The following MICAL3 variants were observed in gnomAD, a reference collection of about 807,000 sequenced individuals.
MICAL3 encodes the protein microtubule associated monooxygenase, calponin and LIM domain containing 3, also known as [F-actin]-monooxygenase MICAL3.
Under a neutral mutation model 207.4 loss-of-function variants are expected in MICAL3, and 62 were observed. That is an observed-to-expected ratio of 0.30 (90% CI 0.24 to 0.37). The LOEUF is 0.37. Among genes scored for constraint, MICAL3 ranks in the 10% least tolerant of loss-of-function variants. The pLI is 1.00. For missense variants in MICAL3, 2,368 were observed against 2,635.6 expected (o/e 0.90, Z 2.22); for synonymous variants, 1,077 against 1,069.3 (o/e 1.01, Z -0.14).
intron 1 of MICAL3, among the ~76,000 whole-genome samples, chr22:17,996,593 G>T (rs1922305038): frequency 6.6e-6 from 1 of 152,106 alleles, no homozygotes; most frequent in African/African-American, 2.4e-5. Context: ...AAGCCCATGG[G>T]GGCAGGATGC....
chr22:17,809,867 A>T lies in MICAL3; in HGVS notation c.5556+836T>A, dbSNP rs430321. Among the ~76,000 whole-genome samples, 36 of 151,894 alleles carry T rather than the reference A, an allele frequency of 2.4e-4. 1 individual carries two copies. In the East Asian group the frequency reaches 6.8e-3, roughly 29 times the overall value. ...TACAACAAGGGATTCGGGAAACTCA[A>T]TGCAGGGTTCTTCCTTTTTTTTTTT... On this transcript the variant is annotated intron_variant, in intron 28 of 31. Transcript: ENST00000441493.
chr22:18,012,681 G>A (rs1923822284), intron 1 of MICAL3, among the ~76,000 whole-genome samples: 1 of 152,344 alleles, frequency 6.6e-6, no homozygotes, highest in African/African-American at 2.4e-5. Flanking sequence ...TCTTCTGTGT[G>A]TATCACAACA....
At position 17,900,953 on chromosome 22, in the gene MICAL3, T is replaced by G; in HGVS notation, c.736A>C (p.Thr246Pro). The G allele has an allele frequency of 6.2e-7, 1 of 1,614,028 alleles. No homozygotes were observed. The highest frequency in any genetic ancestry group is 8.5e-7 in the Non-Finnish European group (1 of 1,179,870). Residue 246 changes from threonine to proline, a missense_variant, in exon 6 of 32, where the codon ACG (threonine) becomes CCG (proline). By Grantham distance (38) the Thr-to-Pro change is conservative. Coordinates refer to ENST00000441493, the MANE Select transcript of MICAL3 (RefSeq NM_015241.3). This position sits in a 1 kb window ranked among gnomAD's most constrained non-coding sequence, Gnocchi z 4.0. ...GTATTTCGGTTGATAAAATTTGCCG[T>G]GATGGCGATGGCCAGTTTGCCACGG... ...EFRGKLAIAI[T>P]ANFINRNTTA...
chr22:17,980,777 G>C (rs191084356), intron 1 of MICAL3: 1 of 464,340 alleles, frequency 2.2e-6, no homozygotes, highest in African/African-American at 2.0e-5. Flanking sequence ...ATCATTCCGC[G>C]GCAGCAAACC....
intron 1 of MICAL3, among the ~76,000 whole-genome samples, chr22:18,015,612 C>T (rs920929521): frequency 1.3e-5 from 2 of 151,906 alleles, no homozygotes; most frequent in Admixed American, 1.3e-4. Context: ...GGGGTTTCAC[C>T]ATGCTAGCCA....
In MICAL3 at chr22:17,866,002, G is replaced by A. The variant is rs146537133; in HGVS notation, c.2439C>T (p.Tyr813=). 114 of 1,613,574 alleles carry A rather than the reference G, an allele frequency of 7.1e-5. No individual in the cohort carries two copies. The East Asian group carries it at 2.2e-3, about 31-fold the overall frequency. Reference sequence around the variant, plus strand: ...GTCGATAGCAGTAGTGTGGCTTACAGTAGAATTTACCTGCAGACAGCAAGA... The same window carrying A: ...GTCGATAGCAGTAGTGTGGCTTACAATAGAATTTACCTGCAGACAGCAAGA... The part of the protein sequence containing the change: ...YAYDIEDGKF[Y]CKPHYCYRLS... Residue 813 remains tyrosine, a synonymous_variant, in exon 18 of 32, where the codon TAC becomes TAT. Transcript: ENST00000441493.
chr22:17,887,952 T>A (rs1050179680), intron 13 of MICAL3, among the ~76,000 whole-genome samples: 5 of 152,182 alleles, frequency 3.3e-5, no homozygotes, highest in Admixed American at 3.3e-4. Flanking sequence ...ACGTCATGGC[T>A]AACCAGGAAA....
At chr22:17,958,904 T>A (rs367846922) in intron 1 of MICAL3, among the ~76,000 whole-genome samples, 1 of 151,396 alleles carries the variant, frequency 6.6e-6, no homozygotes, top group East Asian at 1.9e-4. Context: ...CAGGGTTTCA[T>A]CATGTTGGCC....
chr22:17,979,622 C>T (rs564465275), intron 1 of MICAL3, among the ~76,000 whole-genome samples: 46 of 152,128 alleles, frequency 3.0e-4, no homozygotes, highest in Middle Eastern at 3.4e-3. Context: ...GAGGAATTCC[C>T]CACGGCATCC....
chr22:17,837,376 A>G (rs886180546), intron 20 of MICAL3, among the ~76,000 whole-genome samples: 15 of 152,160 alleles, frequency 9.9e-5, no homozygotes, highest in African/African-American at 3.6e-4. Context: ...CTTTTCTGTG[A>G]CCTCGCCTGT....
At chr22:18,004,239 C>G (rs1923227206) in intron 1 of MICAL3, 1 of 152,134 alleles carries the variant, frequency 6.6e-6, no homozygotes, top group Non-Finnish European at 1.5e-5. Context: ...TGTCCATGCT[C>G]TCTGCCCCAA....
At chr22:17,827,362 G>A (rs1233473498) in intron 22 of MICAL3, among the ~76,000 whole-genome samples, 1 of 152,178 alleles carries the variant, frequency 6.6e-6, no homozygotes, top group African/African-American at 2.4e-5. Context: ...AGAAACATGA[G>A]AGAAAGACAG....
intron 20 of MICAL3, among the ~76,000 whole-genome samples, chr22:17,834,754 A>G (rs1923182884): frequency 6.6e-6 from 1 of 152,176 alleles, no homozygotes; most frequent in Non-Finnish European, 1.5e-5. Flanking sequence ...ATTTTTCAGC[A>G]TTACCTTTAT....
chr22:17,901,857 C>A, intron 5 of MICAL3, 21 bp downstream of exon 5: 1 of 1,587,350 alleles, frequency 6.3e-7, no homozygotes, highest in Non-Finnish European at 8.6e-7. Context: ...ATGAGCCAGG[C>A]AGAGGAGCAC....
chr22:17,947,719 C>G (rs1019641926), intron 1 of MICAL3, among the ~76,000 whole-genome samples: 9 of 150,396 alleles, frequency 6.0e-5, no homozygotes, highest in African/African-American at 2.2e-4. Context: ...TGTGCACCAC[C>G]ACACCCGGCT....
chr22:17,997,881 T>C (rs1332381514), intron 1 of MICAL3, among the ~76,000 whole-genome samples: 4 of 151,044 alleles, frequency 2.6e-5, no homozygotes, highest in African/African-American at 9.8e-5. Flanking sequence ...CACTACCTAG[T>C]CATCAGAAAA....
rs571226618 is a variant in MICAL3 at position 17,903,273 on chromosome 22, C to T, written c.473-526G>A. ...CTAGATCCTCCTACCATTCCCCCTC[C>T]CATTCCTGGTCTATAGCTGTGGAAA... is the stretch of plus-strand genomic sequence containing the variant. On this transcript the variant is annotated intron_variant, in intron 3 of 31. Transcript: ENST00000441493. Among the ~76,000 whole-genome samples, 16 of 152,342 alleles carry T rather than the reference C, an allele frequency of 1.1e-4. No homozygotes were observed. The South Asian group carries it at 3.1e-3, about 30-fold the overall frequency.
chr22:18,019,800 C>T (rs117233348), intron 1 of MICAL3: 3,098 of 152,516 alleles, frequency 0.02, 111 homozygotes, highest in East Asian at 0.18. Flanking sequence ...AATGAGAATG[C>T]TGCTGATTTT....
At chr22:17,978,974 G>A (rs1935780875) in intron 1 of MICAL3, among the ~76,000 whole-genome samples, 1 of 151,236 alleles carries the variant, frequency 6.6e-6, no homozygotes, top group Non-Finnish European at 1.5e-5. Flanking sequence ...CCAGGAGTTC[G>A]AGACCAGCCT....
Sources: allele counts gnomAD v4.1 joint callset (sites outside exome capture counted in the v4.1 genomes callset), GRCh38; gene constraint gnomAD v4.1.1; non-coding constraint Gnocchi (gnomAD v3.1); transcripts MANE v1.5; gene names NCBI Gene and HGNC (gene_info 2026-07-23, HGNC 2026-07-21).